The following HDAC9 variants were observed in gnomAD, a reference collection of about 807,000 sequenced individuals.
The protein encoded by HDAC9 is MEF-2 interacting transcription repressor (MITR) protein.
A neutral mutation model predicts 139.4 loss-of-function variants in HDAC9; 41 were observed. The ratio of observed to expected loss-of-function variants is 0.29; its 90% CI spans 0.23 to 0.38. The LOEUF (loss-of-function observed/expected upper bound fraction) is 0.38. Ranked by LOEUF, HDAC9 falls within the 10% of genes least tolerant of loss-of-function variation. The pLI, the probability that HDAC9 is intolerant of heterozygous loss-of-function variation, is 1.00. For missense variants in HDAC9, 1,147 were observed against 1,297.0 expected (o/e 0.88, Z 1.78); for synonymous variants, 517 against 476.2 (o/e 1.09, Z -1.12).
chr7:18,169,518 GT>G (rs1454456147), intron 2 of HDAC9, among the ~76,000 whole-genome samples: 1 of 151,050 alleles, frequency 6.6e-6, no homozygotes, highest in African/African-American at 2.4e-5. Flanking sequence ...GTACATGTTT[GT>G]TAACATAGGT....
At chr7:18,166,700 C>A (rs1280202355) in intron 2 of HDAC9, among the ~76,000 whole-genome samples, 1 of 152,006 alleles carries the variant, frequency 6.6e-6, no homozygotes, top group Admixed American at 6.6e-5. Context: ...CATATGGGAC[C>A]CAGAAGGCCT....
chr7:18,249,135 T>C (rs1794749327), intron 2 of HDAC9, among the ~76,000 whole-genome samples: 1 of 152,168 alleles, frequency 6.6e-6, no homozygotes, highest in Non-Finnish European at 1.5e-5. Context: ...TCTTTACATT[T>C]TCATATTTTG....
At chr7:18,877,442 G>A (rs952320232) in intron 22 of HDAC9, among the ~76,000 whole-genome samples, 1 of 152,132 alleles carries the variant, frequency 6.6e-6, no homozygotes, top group Non-Finnish European at 1.5e-5. Context: ...AGATTCTAAA[G>A]TAAAAAGTAG....
intron 17 of HDAC9, among the ~76,000 whole-genome samples, chr7:18,806,865 A>G (rs1284159632): frequency 6.6e-6 from 1 of 152,094 alleles, no homozygotes; most frequent in Non-Finnish European, 1.5e-5. Flanking sequence ...TTGGTTTGCT[A>G]GTATTTTGAT....
chr7:18,682,077 A>T (rs1781927513), intron 12 of HDAC9, among the ~76,000 whole-genome samples: 1 of 152,090 alleles, frequency 6.6e-6, no homozygotes, highest in Non-Finnish European at 1.5e-5. Context: ...TAAAAATTTA[A>T]ATTCTCTTTA....
chr7:18,255,626 CTTTTTTTTT>C (rs11386457), intron 2 of HDAC9, among the ~76,000 whole-genome samples: 52 of 113,608 alleles, frequency 4.6e-4, no homozygotes, highest in Middle Eastern at 6.0e-3. Context: ...TTTTTCTTTC[CTTTTTTTTT>C]TTTTTTTTTT....
intron 1 of HDAC9, among the ~76,000 whole-genome samples, chr7:18,386,341 C>T (rs777725789): frequency 2.0e-5 from 3 of 152,150 alleles, no homozygotes; most frequent in Non-Finnish European, 4.4e-5. Context: ...TACTCCTCAC[C>T]TCACTTGGTT....
At chr7:18,958,465 G>C in intron 24 of HDAC9, among the ~76,000 whole-genome samples, 1 of 152,180 alleles carries the variant, frequency 6.6e-6, no homozygotes, top group Non-Finnish European at 1.5e-5. Context: ...GGAGCAACCT[G>C]AGTGTCCATC....
intron 2 of HDAC9, among the ~76,000 whole-genome samples, chr7:18,545,629 T>C (rs983920812): frequency 5.3e-5 from 8 of 152,192 alleles, no homozygotes; most frequent in Admixed American, 3.9e-4. Context: ...GTATTAGTAC[T>C]TTATATCTGC....
chr7:18,418,302 A>G (rs1013795709), intron 1 of HDAC9, among the ~76,000 whole-genome samples: 3 of 152,160 alleles, frequency 2.0e-5, no homozygotes, highest in Non-Finnish European at 4.4e-5. Context: ...TCCACTTCAG[A>G]GAGTAAAACT....
intron 2 of HDAC9, among the ~76,000 whole-genome samples, chr7:18,251,739 C>T (rs1257383284): frequency 6.6e-6 from 1 of 151,952 alleles, no homozygotes; most frequent in Admixed American, 6.6e-5. Flanking sequence ...CTGTCATTAC[C>T]TTGTATAAAA....
intron 9 of HDAC9, among the ~76,000 whole-genome samples, chr7:18,645,524 A>G (rs915312540): frequency 6.6e-6 from 1 of 152,134 alleles, no homozygotes; most frequent in Non-Finnish European, 1.5e-5. Context: ...AGCAGAGAAA[A>G]TGGAATACTA....
At chr7:18,886,307 G>A (rs942529119) in intron 22 of HDAC9, among the ~76,000 whole-genome samples, 1 of 152,136 alleles carries the variant, frequency 6.6e-6, no homozygotes, top group African/African-American at 2.4e-5. Flanking sequence ...GATGACTGCT[G>A]CTTAACTTTG....
At chr7:18,806,608 T>C (rs933976897) in intron 17 of HDAC9, among the ~76,000 whole-genome samples, 1 of 152,240 alleles carries the variant, frequency 6.6e-6, no homozygotes, top group Admixed American at 6.5e-5. Context: ...AATTATGATA[T>C]TAGCTGTGCT....
chr7:18,741,658 T>C (rs772206061), intron 13 of HDAC9, among the ~76,000 whole-genome samples: 4 of 152,238 alleles, frequency 2.6e-5, no homozygotes, highest in African/African-American at 4.8e-5. Flanking sequence ...CATCTTATTA[T>C]TTAAGAAATA....
intron 1 of HDAC9, among the ~76,000 whole-genome samples, chr7:18,403,330 G>A (rs1029834451): frequency 1.3e-5 from 2 of 152,026 alleles, no homozygotes; most frequent in South Asian, 2.1e-4. Context: ...GGCATACTAG[G>A]TCTTATGATT....
At chr7:18,779,552 A>G (rs994201068) in intron 16 of HDAC9, among the ~76,000 whole-genome samples, 1 of 152,008 alleles carries the variant, frequency 6.6e-6, no homozygotes, top group African/African-American at 2.4e-5. Flanking sequence ...TTATTTTAGA[A>G]GTATCCTGCC....
intron 25 of HDAC9, among the ~76,000 whole-genome samples, chr7:18,980,918 G>A (rs145818537): frequency 0.12 from 18,938 of 151,564 alleles, 1,256 homozygotes; most frequent in Middle Eastern, 0.18. Flanking sequence ...CCACCTCCCG[G>A]GTTCAAGCAA....
chr7:18,732,726 CACACGT>C (rs1254557799), intron 13 of HDAC9, among the ~76,000 whole-genome samples: 3 of 112,680 alleles, frequency 2.7e-5, no homozygotes, highest in African/African-American at 1.3e-4. Flanking sequence ...TGTACACACA[CACACGT>C]GTATGTGTGC....
Sources: allele counts gnomAD v4.1 joint callset (sites outside exome capture counted in the v4.1 genomes callset), GRCh38; gene constraint gnomAD v4.1.1; transcripts MANE v1.5; gene names NCBI Gene and HGNC (gene_info 2026-07-23, HGNC 2026-07-21).